Variants in PIP4K2A observed in about 807,000 individuals in gnomAD.
The protein encoded by PIP4K2A is phosphatidylinositol-5-phosphate 4-kinase type 2 alpha.
A neutral mutation model predicts 42.9 loss-of-function variants in PIP4K2A; 14 were observed. The observed-to-expected ratio is 0.33, with a 90% confidence interval of 0.22 to 0.51. PIP4K2A has a LOEUF of 0.51. Ranked by LOEUF, PIP4K2A falls within the 20% of genes least tolerant of loss-of-function variation. The pLI is 0.97. For missense variants in PIP4K2A, 434 were observed against 519.8 expected (o/e 0.83, Z 1.61); for synonymous variants, 192 against 192.2 (o/e 1.00, Z 0.01).
chr10:22,641,841 G>A (rs1393015201), intron 1 of PIP4K2A, among the ~76,000 whole-genome samples: 1 of 152,098 alleles, frequency 6.6e-6, no homozygotes, highest in African/African-American at 2.4e-5. Context: ...TACCACAGGA[G>A]TGATGATTCT....
chr10:22,656,999 C>G (rs577507551), intron 1 of PIP4K2A, among the ~76,000 whole-genome samples: 1 of 152,256 alleles, frequency 6.6e-6, no homozygotes, highest in African/African-American at 2.4e-5. Context: ...TCTAAACTCC[C>G]TGAGCTTGAG....
chr10:22,707,007 G>A (rs937713100), intron 1 of PIP4K2A, among the ~76,000 whole-genome samples: 1 of 152,150 alleles, frequency 6.6e-6, no homozygotes, highest in South Asian at 2.1e-4. Context: ...AATAGGATAG[G>A]CATGGTGGCT....
chr10:22,637,960 T>C (rs1838703993), intron 1 of PIP4K2A, among the ~76,000 whole-genome samples: 1 of 152,244 alleles, frequency 6.6e-6, no homozygotes, highest in Non-Finnish European at 1.5e-5. Flanking sequence ...CTGTAATGGA[T>C]GTATAAGTGA....
intron 3 of PIP4K2A, among the ~76,000 whole-genome samples, chr10:22,604,538 T>C (rs899007828): frequency 1.3e-5 from 2 of 152,044 alleles, no homozygotes; most frequent in Admixed American, 1.3e-4. Context: ...CAGCAGGCAA[T>C]GCCTGTTCCC....
At chr10:22,704,321 A>C (rs1319982512) in intron 1 of PIP4K2A, among the ~76,000 whole-genome samples, 1 of 152,134 alleles carries the variant, frequency 6.6e-6, no homozygotes, top group Non-Finnish European at 1.5e-5. Context: ...CCTGCATTTG[A>C]AAATGTTAGC....
At chr10:22,586,987 T>C (rs1837409760) in intron 4 of PIP4K2A, among the ~76,000 whole-genome samples, 2 of 152,194 alleles carry the variant, frequency 1.3e-5, no homozygotes, top group Admixed American at 6.5e-5. Flanking sequence ...GGTCATGCCA[T>C]TGGCCAGGGG....
chr10:22,583,041 C>T (rs1367269686), intron 4 of PIP4K2A, among the ~76,000 whole-genome samples: 6 of 152,090 alleles, frequency 3.9e-5, no homozygotes, highest in Non-Finnish European at 8.8e-5. Flanking sequence ...AGTGTTTACA[C>T]AAATTCTTAT....
chr10:22,579,769 C>CTCAACCACAAGACA (rs1564428909), intron 4 of PIP4K2A, among the ~76,000 whole-genome samples: 31 of 151,840 alleles, frequency 2.0e-4, no homozygotes, highest in African/African-American at 6.8e-4. Context: ...ATCAGACGGG[C>CTCAACCACAAGACA]ATGGTGGCAG....
chr10:22,627,194 T>C (rs1203598422), intron 1 of PIP4K2A, among the ~76,000 whole-genome samples: 1 of 152,222 alleles, frequency 6.6e-6, no homozygotes, highest in Non-Finnish European at 1.5e-5. Context: ...GCTATGAACA[T>C]GAATCAAGCA....
intron 3 of PIP4K2A, among the ~76,000 whole-genome samples, chr10:22,593,194 C>T (rs1837552936): frequency 6.6e-6 from 1 of 152,204 alleles, no homozygotes; most frequent in Non-Finnish European, 1.5e-5. Context: ...AGGATTCTCA[C>T]CTCACCACCC....
chr10:22,578,363 TC>T (rs1369536662), intron 4 of PIP4K2A, among the ~76,000 whole-genome samples: 1 of 152,180 alleles, frequency 6.6e-6, no homozygotes, highest in African/African-American at 2.4e-5. Flanking sequence ...GAGCAACTGT[TC>T]CCCCTGAGAT....
chr10:22,547,150 A>G (rs1283138389), intron 7 of PIP4K2A, among the ~76,000 whole-genome samples: 3 of 152,314 alleles, frequency 2.0e-5, no homozygotes, highest in East Asian at 3.9e-4. Context: ...ATTTAACTCT[A>G]CTAACACACC....
chr10:22,546,204 CGAA>C (rs1341647692), intron 7 of PIP4K2A, among the ~76,000 whole-genome samples: 2 of 152,086 alleles, frequency 1.3e-5, no homozygotes, highest in East Asian at 3.9e-4. Context: ...ACAGGGGTGT[CGAA>C]GAATTAAGAT....
chr10:22,667,484 A>G (rs1006845370), intron 1 of PIP4K2A, among the ~76,000 whole-genome samples: 1 of 152,224 alleles, frequency 6.6e-6, no homozygotes, highest in African/African-American at 2.4e-5. Context: ...TGGGAAAGTA[A>G]TATCTATGTG....
At chr10:22,592,118 A>G (rs879490594) in intron 3 of PIP4K2A, among the ~76,000 whole-genome samples, 3 of 152,354 alleles carry the variant, frequency 2.0e-5, no homozygotes, top group Non-Finnish European at 2.9e-5. Context: ...ATTAGGTTCC[A>G]GTCATAAAAG....
chr10:22,639,486 C>G (rs1353309801), intron 1 of PIP4K2A, among the ~76,000 whole-genome samples: 1 of 150,116 alleles, frequency 6.7e-6, no homozygotes, highest in Non-Finnish European at 1.5e-5. Flanking sequence ...ATATGTCCAA[C>G]TTTTCTTAGG....
At chr10:22,697,786 C>T (rs558017378) in intron 1 of PIP4K2A, among the ~76,000 whole-genome samples, 135 of 151,934 alleles carry the variant, frequency 8.9e-4, no homozygotes, top group African/African-American at 3.2e-3. Context: ...ACACACACAC[C>T]CTGTAATTGT....
intron 1 of PIP4K2A, among the ~76,000 whole-genome samples, chr10:22,695,850 T>C (rs75730564): frequency 0.028 from 4,234 of 152,296 alleles, 77 homozygotes; most frequent in Non-Finnish European, 0.039. Flanking sequence ...TTTTCATTTT[T>C]TTCCTTTAAT....
At chr10:22,696,317 C>T (rs1839972338) in intron 1 of PIP4K2A, among the ~76,000 whole-genome samples, 1 of 152,088 alleles carries the variant, frequency 6.6e-6, no homozygotes, top group Non-Finnish European at 1.5e-5. Flanking sequence ...GCTGACATGC[C>T]CAACTGTTAT....
Sources: allele counts gnomAD v4.1 joint callset (sites outside exome capture counted in the v4.1 genomes callset), GRCh38; gene constraint gnomAD v4.1.1; transcripts MANE v1.5; gene names NCBI Gene and HGNC (gene_info 2026-07-23, HGNC 2026-07-21).